The following DNAH7 variants were observed in gnomAD, a reference collection of about 807,000 sequenced individuals.
DNAH7 encodes the protein axonemal beta dynein heavy chain 7.
A neutral mutation model predicts 444.6 loss-of-function variants in DNAH7; 397 were observed. The ratio of observed to expected loss-of-function variants is 0.89; its 90% CI spans 0.82 to 0.97. The LOEUF (loss-of-function observed/expected upper bound fraction) is 0.97. Among genes scored for constraint, DNAH7 ranks in the 50% least tolerant of loss-of-function variants. The pLI is 0.00. For synonymous variants in DNAH7, 1,636 were observed against 1,624.4 expected, an observed-to-expected ratio of 1.01 and a Z score of -0.17; for missense variants, 4,902 against 4,800.8, an observed-to-expected ratio of 1.02 and a Z score of -0.62.
At chr2:195,763,103 T>A (rs1353860627) in intron 61 of DNAH7, among the ~76,000 whole-genome samples, 1 of 152,184 alleles carries the variant, frequency 6.6e-6, no homozygotes, top group Non-Finnish European at 1.5e-5. Context: ...AATATGCTCC[T>A]GAAGACCAGT....
intron 15 of DNAH7, among the ~76,000 whole-genome samples, chr2:195,976,755 G>GAGAGAGAGAGGCAGAC (rs1559294880): frequency 8.2e-6 from 1 of 122,438 alleles, no homozygotes; most frequent in Non-Finnish European, 1.6e-5. Flanking sequence ...GACAGAGAGA[G>GAGAGAGAGAGGCAGAC]AGAGAGAGAG....
chr2:196,066,636 A>T (rs1698444444), intron 1 of DNAH7, among the ~76,000 whole-genome samples: 1 of 152,220 alleles, frequency 6.6e-6, no homozygotes, highest in Non-Finnish European at 1.5e-5. Context: ...GAGCAATTGC[A>T]AAAGATTTAC....
intron 5 of DNAH7, among the ~76,000 whole-genome samples, chr2:196,035,653 A>T (rs1446268448): frequency 1.3e-5 from 2 of 152,128 alleles, no homozygotes; most frequent in African/African-American, 4.8e-5. Context: ...AAAAACAGGG[A>T]CCCTCTGAGG....
At chr2:195,968,071 T>C (rs1691600619) in intron 17 of DNAH7, among the ~76,000 whole-genome samples, 1 of 152,196 alleles carries the variant, frequency 6.6e-6, no homozygotes, top group Non-Finnish European at 1.5e-5. Context: ...CAGCTTGTGG[T>C]GAATACTGTC....
At chr2:196,066,326 G>A (rs1269329408) in intron 1 of DNAH7, among the ~76,000 whole-genome samples, 1 of 152,182 alleles carries the variant, frequency 6.6e-6, no homozygotes, top group African/African-American at 2.4e-5. Context: ...CATGCTGTTG[G>A]TCTCATATCC....
At chr2:195,806,513 AAAAT>A (rs1293909373) in intron 54 of DNAH7, among the ~76,000 whole-genome samples, 7 of 152,234 alleles carry the variant, frequency 4.6e-5, no homozygotes, top group Non-Finnish European at 2.9e-5. Flanking sequence ...AAATAATCAC[AAAAT>A]AAATAAAATT....
At chr2:195,883,517 C>T (rs1332654897) in intron 35 of DNAH7, among the ~76,000 whole-genome samples, 2 of 149,262 alleles carry the variant, frequency 1.3e-5, no homozygotes, top group East Asian at 3.9e-4. Context: ...TTGTGTGATG[C>T]TGGGACAATC....
intron 27 of DNAH7, chr2:195,901,652 T>C (rs1202172324): frequency 6.6e-6 from 1 of 152,148 alleles, no homozygotes; most frequent in African/African-American, 2.4e-5. Flanking sequence ...AGGGATCTAC[T>C]TAATTATATA....
chr2:195,936,239 T>G (rs1026206298), intron 20 of DNAH7, among the ~76,000 whole-genome samples: 4 of 152,116 alleles, frequency 2.6e-5, no homozygotes, highest in African/African-American at 9.7e-5. Flanking sequence ...CTGGGCATGG[T>G]GGCGCACGCC....
intron 33 of DNAH7, 102 bp downstream of exon 33, chr2:195,888,156 A>C (rs530742469): frequency 1.1e-6 from 1 of 943,886 alleles, no homozygotes; most frequent in African/African-American, 1.7e-5. Flanking sequence ...TTTTGATTTA[A>C]TATCTCTTAG....
At chr2:195,923,250 TTTAAAC>T in intron 23 of DNAH7, among the ~76,000 whole-genome samples, 1 of 151,910 alleles carries the variant, frequency 6.6e-6, no homozygotes, top group East Asian at 1.9e-4. Flanking sequence ...AAAACACAAT[TTTAAAC>T]TGACTAGTCC....
At chr2:196,027,832 C>A in intron 6 of DNAH7, 128 bp downstream of exon 6, 1 of 753,658 alleles carries the variant, frequency 1.3e-6, no homozygotes. Context: ...TTTTATAGAA[C>A]TCTGTATTTA....
intron 10 of DNAH7, among the ~76,000 whole-genome samples, chr2:196,009,471 TTGGCC>T (rs1694594257): frequency 1.3e-5 from 2 of 152,182 alleles, no homozygotes; most frequent in Non-Finnish European, 2.9e-5. Context: ...GGTTTTCAAC[TTGGCC>T]TAGTAATGGT....
intron 33 of DNAH7, among the ~76,000 whole-genome samples, chr2:195,887,409 T>G (rs565856196): frequency 1.3e-5 from 2 of 152,150 alleles, no homozygotes; most frequent in Non-Finnish European, 2.9e-5. Context: ...GGAAGACACA[T>G]CACTTCCTTC....
intron 16 of DNAH7, 21 bp from the exon 17 acceptor site, chr2:195,970,115 T>C: frequency 6.3e-7 from 1 of 1,578,350 alleles, no homozygotes. Context: ...CAATTTGTTG[T>C]TAATATTCTT....
At chr2:196,068,605 G>T in intron 1 of DNAH7, 92 bp downstream of exon 1, 1 of 1,515,822 alleles carries the variant, frequency 6.6e-7, no homozygotes. Flanking sequence ...CACAGCTGGG[G>T]AGTTCGCTAG....
At chr2:195,914,092 C>A (rs946013748) in intron 24 of DNAH7, among the ~76,000 whole-genome samples, 4 of 152,180 alleles carry the variant, frequency 2.6e-5, no homozygotes, top group Non-Finnish European at 2.9e-5. Context: ...CCATTCCCCT[C>A]TGGATTAATA....
At chr2:195,828,608 ATATT>A (rs1448492695) in intron 48 of DNAH7, among the ~76,000 whole-genome samples, 14 of 105,282 alleles carry the variant, frequency 1.3e-4, no homozygotes, top group African/African-American at 4.9e-4. Context: ...ATATATATAT[ATATT>A]TTTTTTTTTT....
chr2:195,955,021 T>G (rs1394867420), intron 19 of DNAH7, among the ~76,000 whole-genome samples: 3 of 152,224 alleles, frequency 2.0e-5, no homozygotes, highest in Non-Finnish European at 4.4e-5. Context: ...AGAAGCTCTT[T>G]AGTTTAATTA....
Sources: gnomAD v4.1 joint callset for allele counts (sites outside exome capture counted in the v4.1 genomes callset) on GRCh38, gnomAD v4.1.1 for gene constraint, MANE v1.5 for transcripts, NCBI Gene and HGNC (gene_info 2026-07-23, HGNC 2026-07-21) for gene names.